Variants in CSGALNACT1 observed in about 807,000 individuals in gnomAD.
The protein encoded by CSGALNACT1 is chondroitin sulfate N-acetylgalactosaminyltransferase 1, also known as beta4GalNAcT-1.
CSGALNACT1 carries 52 observed loss-of-function variants against 51.0 expected under a neutral mutation model. The observed-to-expected ratio is 1.02, with a 90% CI of 0.82 to 1.29. The LOEUF (loss-of-function observed/expected upper bound fraction) is 1.29. Among genes scored for constraint, CSGALNACT1 ranks in the 50% most tolerant of loss-of-function variants. The probability of loss-of-function intolerance (pLI) is 0.00; values close to 1 mark genes in which losing one functional copy is unlikely to be tolerated. For missense variants in CSGALNACT1, 935 were observed against 679.2 expected, an observed-to-expected ratio of 1.38 and a Z score of -4.19; for synonymous variants, 341 against 254.4, an observed-to-expected ratio of 1.34 and a Z score of -3.24.
chr8:19,541,454 A>G (rs1258842565), intron 3 of CSGALNACT1, among the ~76,000 whole-genome samples: 5 of 147,578 alleles, frequency 3.4e-5, no homozygotes, highest in Non-Finnish European at 4.5e-5. Context: ...GGGTTTCACT[A>G]TGTTAGCCAG....
chr8:19,603,558 G>C (rs1285856457), upstream of CSGALNACT1, among the ~76,000 whole-genome samples: 2 of 152,222 alleles, frequency 1.3e-5, no homozygotes, highest in Admixed American at 1.3e-4. Context: ...ACTTGGACCC[G>C]AATCTGAGTT....
intron 1 of CSGALNACT1, among the ~76,000 whole-genome samples, chr8:19,649,907 A>T (rs529232856): frequency 6.6e-6 from 1 of 151,424 alleles, no homozygotes. Flanking sequence ...AACCAGTAAA[A>T]TTTTTCTGGT....
At position 19,550,896 on chromosome 8, in the gene CSGALNACT1, A is replaced by T. The variant is rs532518120; in HGVS notation, c.-297+40264T>A. On this transcript the variant is annotated intron_variant, in intron 3 of 9. Coordinates refer to ENST00000454498, the Ensembl canonical transcript of CSGALNACT1. ...ATGCTTTACCCCTACTCTCATTTGT[A>T]TCTACTGTTTCCAAGTCCAAGGCTT... Among the ~76,000 whole-genome samples, 328 of 152,236 alleles carry T rather than the reference A, an allele frequency of 2.2e-3. 3 individuals are homozygous for T. Among genetic ancestry groups the T allele is most frequent in the Non-Finnish European group, 3.7e-3 (253 of 68,000 alleles).
chr8:19,420,221 T>C lies in CSGALNACT1; in HGVS notation c.1132+119A>G, dbSNP rs1207210535. 4.3e-6 allele frequency: 4 copies of C among 920,098 alleles called. No homozygotes were observed. The African/African-American group carries it at 6.5e-5, about 15-fold the overall frequency. 57.0% of individuals were successfully genotyped at this position (920,098 alleles called of 1,614,324 possible). A position where few individuals can be genotyped will look rare whatever the true frequency, so the allele number is the denominator to read the frequency against. ...AGATGGTTTTCCTTTTCTTTGCTAT[T>C]GAAGTAAAACAGGCTGATTCAGAAG... On this transcript the variant is annotated intron_variant, in intron 7 of 9. Coordinates refer to ENST00000454498, the Ensembl canonical transcript of CSGALNACT1.
At chr8:19,452,751 T>C (rs1305282779) in intron 5 of CSGALNACT1, among the ~76,000 whole-genome samples, 5 of 152,070 alleles carry the variant, frequency 3.3e-5, no homozygotes, top group African/African-American at 4.8e-5. Context: ...CCAAGTATGA[T>C]ACCTCTACCC....
At chr8:19,603,047 TACACACACACACACACACACACAC>T (rs5889877), upstream of CSGALNACT1, among the ~76,000 whole-genome samples, 2 of 123,126 alleles carry the variant, frequency 1.6e-5, no homozygotes, top group Non-Finnish European at 1.7e-5. Flanking sequence ...ACTGTGTGTA[TACACACACACACACACACACACAC>T]ACACACACAC....
chr8:19,552,914 G>A (rs1047230078), intron 3 of CSGALNACT1, among the ~76,000 whole-genome samples: 2 of 152,114 alleles, frequency 1.3e-5, no homozygotes, highest in South Asian at 2.1e-4. Flanking sequence ...CTGATGAGAG[G>A]CCCTGGGGAA....
chr8:19,470,050 T>C (rs1005365214), intron 4 of CSGALNACT1, among the ~76,000 whole-genome samples: 1 of 152,054 alleles, frequency 6.6e-6, no homozygotes, highest in African/African-American at 2.4e-5. Flanking sequence ...AGCAACATAC[T>C]TCCTTCATAT....
intron 3 of CSGALNACT1, among the ~76,000 whole-genome samples, chr8:19,586,742 A>G (rs1055032701): frequency 2.0e-5 from 3 of 152,168 alleles, no homozygotes; most frequent in African/African-American, 4.8e-5. Context: ...AAGGTTGAGA[A>G]ATGTCCAGCT....
chr8:19,476,828 C>T (rs927405615), intron 4 of CSGALNACT1, among the ~76,000 whole-genome samples: 2 of 152,150 alleles, frequency 1.3e-5, no homozygotes, highest in Non-Finnish European at 2.9e-5. Flanking sequence ...AGTCCAGATG[C>T]CGGACATGTG....
At chr8:19,643,360 G>A (rs1036850358) in intron 1 of CSGALNACT1, among the ~76,000 whole-genome samples, 1 of 152,186 alleles carries the variant, frequency 6.6e-6, no homozygotes, top group Non-Finnish European at 1.5e-5. Flanking sequence ...GCTTTCACCA[G>A]GCACAGTGGC....
intron 3 of CSGALNACT1, among the ~76,000 whole-genome samples, chr8:19,590,679 T>C (rs1468625020): frequency 8.2e-6 from 1 of 121,822 alleles, no homozygotes; most frequent in African/African-American, 3.2e-5. Context: ...AGATGGAGTC[T>C]CGCTCTGTCG....
intron 3 of CSGALNACT1, among the ~76,000 whole-genome samples, chr8:19,547,724 G>A (rs6992516): frequency 0.14 from 20,556 of 152,208 alleles, 1,552 homozygotes; most frequent in Middle Eastern, 0.2. Context: ...GTATACTCTA[G>A]AAACTTTCAC....
chr8:19,587,852 T>C (rs2046983015), intron 3 of CSGALNACT1: 1 of 152,172 alleles, frequency 6.6e-6, no homozygotes. Flanking sequence ...CTTCCAGCTA[T>C]GATGGGTTTC....
rs373087435 is a variant in CSGALNACT1 at position 19,620,072 on chromosome 8, G to A, written c.-543-18207C>T. Among the ~76,000 whole-genome samples the A allele has an allele frequency of 1.1e-4, 16 of 152,176 alleles. 1 individual carries two copies. Among genetic ancestry groups the A allele is most frequent in the African/African-American group, 3.9e-4 (16 of 41,506 alleles). On this transcript the variant is annotated intron_variant, in intron 1 of 9. Coordinates refer to the CSGALNACT1 transcript ENST00000332246. ...TCACACCTGTAATCCCAACACTTTG[G>A]AAGGCCAAGGCAGGCTGATCACTTG...
intron 3 of CSGALNACT1, among the ~76,000 whole-genome samples, chr8:19,526,282 C>T (rs749423775): frequency 6.6e-6 from 1 of 152,128 alleles, no homozygotes; most frequent in African/African-American, 2.4e-5. Context: ...GGGCCCTTAA[C>T]TTTTAAGATT....
chr8:19,713,492 T>TAA, intron 1 of CSGALNACT1, among the ~76,000 whole-genome samples: 1 of 152,312 alleles, frequency 6.6e-6, no homozygotes, highest in South Asian at 2.1e-4. Flanking sequence ...CATCCTTTTT[T>TAA]GGAAATAAGG....
At chr8:19,521,650 T>C (rs1038654903) in intron 3 of CSGALNACT1, among the ~76,000 whole-genome samples, 1 of 152,110 alleles carries the variant, frequency 6.6e-6, no homozygotes, top group Non-Finnish European at 1.5e-5. Flanking sequence ...ACTACTAGAC[T>C]CCGTCTCCAA....
At chr8:19,478,015 G>T (rs75606524) in intron 4 of CSGALNACT1, among the ~76,000 whole-genome samples, 1 of 152,126 alleles carries the variant, frequency 6.6e-6, no homozygotes, top group South Asian at 2.1e-4. Context: ...ACAAGCTTGA[G>T]AACTATTAGA....
Sources: allele counts gnomAD v4.1 joint callset (sites outside exome capture counted in the v4.1 genomes callset), GRCh38; gene constraint gnomAD v4.1.1; transcripts MANE v1.5; gene names NCBI Gene and HGNC (gene_info 2026-07-23, HGNC 2026-07-21).